MUC5B: variants seen among roughly 807,000 people sequenced by gnomAD.
MUC5B encodes mucin-5B.
MUC5B carries 116 observed loss-of-function variants against 376.9 expected under a neutral mutation model. The ratio of observed to expected loss-of-function variants is 0.31; its 90% CI spans 0.26 to 0.36. The LOEUF (loss-of-function observed/expected upper bound fraction) is 0.36, where lower values mean the gene tolerates loss of function less well. MUC5B is among the 10% of genes least tolerant of loss of function. The pLI, the probability that MUC5B is intolerant of heterozygous loss-of-function variation, is 1.00. For synonymous variants in MUC5B, 3,517 were observed against 3,390.9 expected (o/e 1.04, Z -1.29); for missense variants, 7,165 against 7,769.9 (o/e 0.92, Z 2.93).
At chr11:1,231,333 G>T in intron 13 of MUC5B, 90 bp from the exon 14 acceptor site, 1 of 1,436,622 alleles carries the variant, frequency 7.0e-7, no homozygotes, top group Non-Finnish European at 9.3e-7. Flanking sequence ...TCTCAGTGGG[G>T]TGGCCCGGCC....
rs1224318661 is a variant in MUC5B at position 1,242,299 on chromosome 11, G to C, written c.5419G>C (p.Asp1807His). 6.2e-7 allele frequency: 1 copy of C among 1,613,912 alleles called. No individual in the cohort carries two copies. Among genetic ancestry groups the C allele is most frequent in the East Asian group, 2.2e-5 (1 of 44,888 alleles). ...DFPTSGVAGGDMETFENIRAA... is the reference protein window; with the variant it reads ...DFPTSGVAGGHMETFENIRAA... ...CCCAACCTCAGGGGTTGCAGGCGGG[G>C]ACATGGAAACTTTTGAAAACATCAG... The change falls in exon 31 of 49, where the codon GAC becomes CAC. Residue 1807 changes from aspartate (D) to histidine (H), a missense_variant. Physicochemically the swap from Asp to His is moderately conservative, Grantham distance 81. Coordinates refer to ENST00000529681, the MANE Select transcript of MUC5B (RefSeq NM_002458.3).
At position 1,234,326 on chromosome 11, in the gene MUC5B, AG is replaced by A; in HGVS notation, c.2478+25del. Reference sequence around the variant, plus strand: ...GCTGTGTGAGTTCCATGCTTCAGGGAGGGGTGGGCAGGGAAGGGGTCCCAGC... The same window carrying A: ...GCTGTGTGAGTTCCATGCTTCAGGGAGGGTGGGCAGGGAAGGGGTCCCAGC... On this transcript the variant is annotated intron_variant, in intron 20 of 48. Coordinates refer to ENST00000529681, the MANE Select transcript of MUC5B (RefSeq NM_002458.3). The surrounding 1 kb of genome is among the most constrained non-coding windows in gnomAD (Gnocchi z 6.3). The A allele has an allele frequency of 1.6e-6, 1 of 635,332 alleles. No homozygotes were observed. The highest frequency in any genetic ancestry group is 2.8e-6 in the Non-Finnish European group (1 of 360,764). The allele number at this position is 635,332 out of a possible 1,614,324, so 39.4% of individuals were successfully genotyped here. A position where few individuals can be genotyped will look rare whatever the true frequency, so the allele number is the denominator to read the frequency against.
In MUC5B at chr11:1,257,986, G is replaced by T. The variant is rs1222498983; in HGVS notation, c.16451-113G>T. 1.8e-6 allele frequency: 2 copies of T among 1,123,046 alleles called. No homozygotes were observed. The highest frequency in any genetic ancestry group is 1.3e-6 in the Non-Finnish European group (1 of 778,696). 69.6% of individuals were successfully genotyped at this position (1,123,046 alleles called of 1,614,324 possible). On this transcript the variant is annotated intron_variant, in intron 41 of 48. Coordinates refer to ENST00000529681, the MANE Select transcript of MUC5B (RefSeq NM_002458.3). The surrounding 1 kb of genome is among the most constrained non-coding windows in gnomAD (Gnocchi z 8.9). ...AGGGGCCTGGAGGGAGCCCCCAGGG[G>T]CTGTGAAGCGGTCAGGTCCTCGGGG...
Position 1,257,807 on chromosome 11 carries a change from G to A in MUC5B, c.16450+97G>A. 7.2e-7 allele frequency: 1 copy of A among 1,392,728 alleles called. No individual in the cohort carries two copies. The highest frequency in any genetic ancestry group is 9.6e-7 in the Non-Finnish European group (1 of 1,043,786). 86.3% of individuals were successfully genotyped at this position (1,392,728 alleles called of 1,614,324 possible). A position where few individuals can be genotyped will look rare whatever the true frequency, so the allele number is the denominator to read the frequency against. On this transcript the variant is annotated intron_variant, in intron 41 of 48. Coordinates refer to ENST00000529681, the MANE Select transcript of MUC5B (RefSeq NM_002458.3). This position sits in a 1 kb window ranked among gnomAD's most constrained non-coding sequence, Gnocchi z 8.9. ...GTGGGTTGGGCACAGGAGAGCAGAG[G>A]AGAGCCACTGTGTCCTGGCGTGACC...
chr11:1,224,232 G>C (rs565048209), intron 1 of MUC5B, among the ~76,000 whole-genome samples: 1 of 152,334 alleles, frequency 6.6e-6, no homozygotes, highest in South Asian at 2.1e-4. Flanking sequence ...AAGTTGGGGA[G>C]ATCAAGCCCT....
In MUC5B at chr11:1,242,668, C is replaced by A; in HGVS notation, c.5788C>A (p.Leu1930Met). 6.2e-7 allele frequency: 1 copy of A among 1,613,674 alleles called. No individual in the cohort carries two copies. The highest frequency in any genetic ancestry group is 1.1e-5 in the South Asian group (1 of 91,068). Residue 1930 changes from leucine to methionine, a missense_variant, in exon 31 of 49, where the codon CTG (leucine) becomes ATG (methionine). This residue lies in a region of MUC5B where 897 missense variants were observed against 779.6 expected (regional missense o/e 1.15). Transcript: ENST00000529681. ...ATCCACGGCCACCCCGACCTCCACC[C>A]TGAGAACAGCTCCCCCTCCCAAAGT... Reference protein sequence around the residue: ...TGSTATPTSTLRTAPPPKVLT... With the variant: ...TGSTATPTSTMRTAPPPKVLT...
Position 1,239,035 on chromosome 11 carries a change from G to A in MUC5B, c.3454+8G>A, listed in dbSNP as rs577228801. 10 of 1,571,376 alleles carry A rather than the reference G, an allele frequency of 6.4e-6. No individual in the cohort carries two copies. The highest frequency in any genetic ancestry group is 6.9e-6 in the Non-Finnish European group (8 of 1,159,326). The stretch of plus-strand genomic sequence containing the variant: ...GGACTCCGGACACCTGCCGTGAGTC[G>A]GGCTCTGTCCGTGGTGCTGAAGGGT... On this transcript the variant is annotated splice_region_variant and intron_variant, in intron 26 of 48. Transcript: ENST00000529681.
Position 1,242,847 on chromosome 11 carries a change from C to A in MUC5B, c.5967C>A (p.Gly1989=). Residue 1989 remains glycine, a synonymous_variant, in exon 31 of 49, where the codon GGC becomes GGA. Transcript: ENST00000529681. ...CACCCATCCCCTCTTCCTCCCTGGG[C>A]ACCACCTGGACCCGCCTATCACAGA... ...SVTPIPSSSL[G]TTWTRLSQTT... is the part of the protein sequence containing the mutation. The A allele has an allele frequency of 6.2e-7, 1 of 1,613,356 alleles. No homozygotes were observed. Among genetic ancestry groups the A allele is most frequent in the Non-Finnish European group, 8.5e-7 (1 of 1,179,624 alleles).
rs764598061 is a variant in MUC5B at position 1,236,509 on chromosome 11, G to A, written c.3004G>A (p.Val1002Met). The change falls in exon 24 of 49, where the codon GTG becomes ATG. Residue 1002 changes from valine to methionine, a missense_variant. By Grantham distance (21) the Val-to-Met change is conservative. Coordinates refer to ENST00000529681, the MANE Select transcript of MUC5B (RefSeq NM_002458.3). The stretch of plus-strand genomic sequence containing the variant: ...GGTCATCGAGACCCACGGGATGGCC[G>A]TGTCCTGGGACCGGAAGACCAGCGT... ...FLVIETHGMA[V>M]SWDRKTSVFI... 3.2e-5 allele frequency: 51 copies of A among 1,612,968 alleles called. No individual in the cohort carries two copies. Among genetic ancestry groups the A allele is most frequent in the South Asian group, 2.5e-4 (23 of 91,086 alleles).
In MUC5B at chr11:1,253,298, G is replaced by A. The variant is rs1862752827; in HGVS notation, c.15217+318G>A. On this transcript the variant is annotated intron_variant, in intron 33 of 48. Coordinates refer to ENST00000529681, the MANE Select transcript of MUC5B (RefSeq NM_002458.3). This position sits in a 1 kb window ranked among gnomAD's most constrained non-coding sequence, Gnocchi z 4.3. Reference sequence around the variant, plus strand: ...GGCTGAAAATGCTGACACAGCCCAAGGGAGAGGCAGCAGAGGCTGGTTTGC... The same window carrying A: ...GGCTGAAAATGCTGACACAGCCCAAAGGAGAGGCAGCAGAGGCTGGTTTGC... 6.6e-6 allele frequency among the ~76,000 whole-genome samples: 1 copy of A among 152,180 alleles called. No individual in the cohort carries two copies. Among genetic ancestry groups the A allele is most frequent in the Admixed American group, 6.6e-5 (1 of 15,266 alleles).
At chr11:1,236,899 G>A in intron 24 of MUC5B, 26 bp from the exon 25 acceptor site, 1 of 1,411,668 alleles carries the variant, frequency 7.1e-7, no homozygotes, top group South Asian at 1.7e-5. Context: ...CAGCTCCAGG[G>A]CCCCACTCTC....
At chr11:1,236,279 A>T in intron 23 of MUC5B, 107 bp from the exon 24 acceptor site, 1 of 1,130,502 alleles carries the variant, frequency 8.8e-7, no homozygotes, top group Non-Finnish European at 1.2e-6. Context: ...CGCTTGTGCT[A>T]AGAGCCCGTG....
chr11:1,255,305 C>T, intron 36 of MUC5B, 39 bp downstream of exon 36: 1 of 1,507,256 alleles, frequency 6.6e-7, no homozygotes, highest in East Asian at 2.5e-5. Context: ...CCTGGGGCGC[C>T]CCCGCCCGCC....
At chr11:1,237,383 G>A (rs955456827) in intron 25 of MUC5B, among the ~76,000 whole-genome samples, 11 of 152,148 alleles carry the variant, frequency 7.2e-5, no homozygotes, top group Admixed American at 4.6e-4. Flanking sequence ...GCTGTTTCCC[G>A]GCCACTCCTT....
At chr11:1,231,881 C>T in intron 14 of MUC5B, 115 bp from the exon 15 acceptor site, 1 of 1,411,054 alleles carries the variant, frequency 7.1e-7, no homozygotes, top group Non-Finnish European at 9.7e-7. Flanking sequence ...GGAGCAGAAT[C>T]CTGGGACAGG....
At chr11:1,260,491 G>A in intron 47 of MUC5B, 98 bp downstream of exon 47, 2 of 1,508,852 alleles carry the variant, frequency 1.3e-6, no homozygotes, top group Non-Finnish European at 1.8e-6. Context: ...GCAGTGGGAT[G>A]CCCGCGTCCA....
chr11:1,239,977 G>C (rs1272880418), intron 28 of MUC5B, 34 bp downstream of exon 28: 1 of 1,610,070 alleles, frequency 6.2e-7, no homozygotes, highest in African/African-American at 1.3e-5. Flanking sequence ...CGCTGGGGGA[G>C]CAGGGCTGGG....
intron 24 of MUC5B, 103 bp from the exon 25 acceptor site, chr11:1,236,822 T>C (rs2133818409): frequency 7.4e-7 from 1 of 1,354,684 alleles, no homozygotes; most frequent in South Asian, 1.7e-5. Context: ...CTGCCCTCCC[T>C]CCATCCCCCG....
intron 24 of MUC5B, 21 bp downstream of exon 24, chr11:1,236,583 C>G: frequency 6.2e-7 from 1 of 1,606,336 alleles, no homozygotes; most frequent in Non-Finnish European, 8.5e-7. Flanking sequence ...GCCGTGCACT[C>G]CTAGGCCCTG....
Sources: allele counts gnomAD v4.1 joint callset (sites outside exome capture counted in the v4.1 genomes callset), GRCh38; gene constraint gnomAD v4.1.1; regional missense constraint gnomAD v4.1.1; non-coding constraint Gnocchi (gnomAD v3.1); transcripts MANE v1.5; gene names NCBI Gene and HGNC (gene_info 2026-07-23, HGNC 2026-07-21).